The following ZAP70 variants were observed in gnomAD, a reference collection of about 807,000 sequenced individuals.
The protein encoded by ZAP70 is zeta chain of T cell receptor associated protein kinase 70.
Under a neutral mutation model 65.8 loss-of-function variants are expected in ZAP70, and 27 were observed. The ratio of observed to expected loss-of-function variants is 0.41; its 90% CI spans 0.30 to 0.57. The LOEUF (loss-of-function observed/expected upper bound fraction) is 0.57. Among genes scored for constraint, ZAP70 ranks in the 20% least tolerant of loss-of-function variants. The probability of loss-of-function intolerance (pLI) is 0.28; values close to 1 mark genes in which losing one functional copy is unlikely to be tolerated. For missense variants in ZAP70, 696 were observed against 870.5 expected, an observed-to-expected ratio of 0.80 and a Z score of 2.52; for synonymous variants, 363 against 360.8, an observed-to-expected ratio of 1.01 and a Z score of -0.07.
In ZAP70 at chr2:97,724,122, T is replaced by C. The variant is rs1424537060; in HGVS notation, c.86T>C (p.Met29Thr). Residue 29 changes from methionine to threonine, a missense_variant, in exon 3 of 14, where the codon ATG becomes ACG. Coordinates refer to ENST00000264972, the MANE Select transcript of ZAP70 (RefSeq NM_001079.4). ...EAEEHLKLAG[M>T]ADGLFLLRQC... ...GAGGAGCACCTGAAGCTGGCGGGCATGGCGGACGGGCTCTTCCTGCTGCGC... is the reference window on the plus strand; with the variant it reads ...GAGGAGCACCTGAAGCTGGCGGGCACGGCGGACGGGCTCTTCCTGCTGCGC... 1.3e-6 allele frequency: 2 copies of C among 1,570,076 alleles called. No homozygotes were observed. The highest frequency in any genetic ancestry group is 1.7e-6 in the Non-Finnish European group (2 of 1,160,368).
intron 3 of ZAP70, chr2:97,724,797 A>T: frequency 6.6e-7 from 1 of 1,507,462 alleles, no homozygotes; most frequent in Non-Finnish European, 8.9e-7. Context: ...GTTGGGGAAG[A>T]TGGGCAGTAG....
At chr2:97,724,633 G>A in intron 3 of ZAP70, 195 bp downstream of exon 3, 2 of 1,532,516 alleles carry the variant, frequency 1.3e-6, no homozygotes, top group Non-Finnish European at 1.7e-6. Flanking sequence ...GGTGGCGGTC[G>A]CCTTCCGCAG....
chr2:97,725,066 A>G, intron 3 of ZAP70, 26 bp from the exon 4 acceptor site: 1 of 1,613,232 alleles, frequency 6.2e-7, no homozygotes, highest in Non-Finnish European at 8.5e-7. Flanking sequence ...CCACACCTAC[A>G]GACCTCCTCG....
the ZAP70 span, among the ~76,000 whole-genome samples, chr2:97,754,800 A>AGACTT: frequency 6.6e-6 from 1 of 152,204 alleles, no homozygotes; most frequent in Non-Finnish European, 1.5e-5. Flanking sequence ...GAGAATCCCA[A>AGACTT]GACTTGAATT....
chr2:97,745,717 T>A, the ZAP70 span, among the ~76,000 whole-genome samples: 1 of 152,222 alleles, frequency 6.6e-6, no homozygotes, highest in Non-Finnish European at 1.5e-5. Flanking sequence ...GGTGGGGATG[T>A]GAGATGGTGC....
chr2:97,725,015 G>A (rs1342487441), intron 3 of ZAP70, 77 bp from the exon 4 acceptor site: 2 of 1,594,780 alleles, frequency 1.3e-6, no homozygotes, highest in Non-Finnish European at 1.7e-6. Context: ...AGTCCTCTGG[G>A]ACAGGGCTCC....
At position 97,732,916 on chromosome 2, in the gene ZAP70, C is replaced by A. The variant is rs765467505; in HGVS notation, c.597C>A (p.Ala199=). 2.5e-6 allele frequency: 4 copies of A among 1,613,902 alleles called. No homozygotes were observed. The African/African-American group carries it at 5.3e-5, about 22-fold the overall frequency. The change falls in exon 5 of 14, where the codon GCC becomes GCA. Residue 199 remains alanine (A), a synonymous_variant. Coordinates refer to ENST00000264972, the MANE Select transcript of ZAP70 (RefSeq NM_001079.4). ...LRPRKEQGTY[A]LSLIYGKTVY... Reference sequence around the variant, plus strand: ...CGCGGAAGGAGCAGGGCACATACGCCCTGTCCCTCATCTATGGGAAGACGG... The same window carrying A: ...CGCGGAAGGAGCAGGGCACATACGCACTGTCCCTCATCTATGGGAAGACGG...
intron 2 of ZAP70, among the ~76,000 whole-genome samples, chr2:97,716,194 G>T (rs1676905059): frequency 6.6e-6 from 1 of 152,136 alleles, no homozygotes; most frequent in Admixed American, 6.5e-5. Flanking sequence ...CTCAGGATGG[G>T]CCCCTCCTCT....
intron 2 of ZAP70, among the ~76,000 whole-genome samples, chr2:97,717,429 G>A (rs922023373): frequency 4.7e-5 from 7 of 149,770 alleles, no homozygotes; most frequent in Non-Finnish European, 7.4e-5. Flanking sequence ...TGGCTGGGGT[G>A]ACATGTGGAG....
chr2:97,724,186 C>G lies in ZAP70; in HGVS notation c.150C>G (p.Leu50=). Residue 50 remains leucine, a synonymous_variant, in exon 3 of 14, where the codon CTC becomes CTG. Coordinates refer to ENST00000264972, the MANE Select transcript of ZAP70 (RefSeq NM_001079.4). ...CGCTGGGCGGCTATGTGCTGTCGCTCGTGCACGATGTGCGCTTCCACCACT... is the reference window on the plus strand; with the variant it reads ...CGCTGGGCGGCTATGTGCTGTCGCTGGTGCACGATGTGCGCTTCCACCACT... The part of the protein sequence containing the change: ...LRSLGGYVLS[L]VHDVRFHHFP... 5 of 1,596,914 alleles carry G rather than the reference C, an allele frequency of 3.1e-6. No individual in the cohort carries two copies. The South Asian group carries it at 5.6e-5, about 18-fold the overall frequency.
At position 97,724,129 on chromosome 2, in the gene ZAP70, C is replaced by A; in HGVS notation, c.93C>A (p.Asp31Glu). ...EEHLKLAGMA[D>E]GLFLLRQCLR... ...ACCTGAAGCTGGCGGGCATGGCGGA[C>A]GGGCTCTTCCTGCTGCGCCAGTGCC... The change falls in exon 3 of 14, where the codon GAC becomes GAA. Residue 31 changes from aspartate (D) to glutamate (E), a missense_variant. Physicochemically the swap from Asp to Glu is conservative, Grantham distance 45. Coordinates refer to ENST00000264972, the MANE Select transcript of ZAP70 (RefSeq NM_001079.4). 1 of 1,566,050 alleles carries A rather than the reference C, an allele frequency of 6.4e-7. No homozygotes were observed. Among genetic ancestry groups the A allele is most frequent in the Non-Finnish European group, 8.6e-7 (1 of 1,158,196 alleles).
intron 13 of ZAP70, among the ~76,000 whole-genome samples, 175 bp from the exon 14 acceptor site, chr2:97,739,200 C>A (rs538218210): frequency 6.6e-6 from 1 of 150,706 alleles, no homozygotes; most frequent in African/African-American, 2.4e-5. Flanking sequence ...CATTGCCCAA[C>A]GCTCTCACAC....
chr2:97,733,078 C>T, intron 5 of ZAP70, 47 bp from the exon 6 acceptor site: 1 of 1,613,964 alleles, frequency 6.2e-7, no homozygotes. Context: ...GGGTGCCGGG[C>T]TCTGGGGAGG....
At chr2:97,720,884 C>G (rs941046493) in intron 2 of ZAP70, among the ~76,000 whole-genome samples, 22 of 152,208 alleles carry the variant, frequency 1.4e-4, no homozygotes, top group Non-Finnish European at 3.2e-4. Flanking sequence ...ACCTGATTCC[C>G]ATTCCAGTAC....
chr2:97,748,855 G>C, the ZAP70 span, among the ~76,000 whole-genome samples: 4 of 149,022 alleles, frequency 2.7e-5, no homozygotes, highest in African/African-American at 1.0e-4. Context: ...CATTGCTCCT[G>C]AAAGCGGAGC....
In ZAP70 at chr2:97,736,578, T is replaced by C. The variant is rs1321434650; in HGVS notation, c.1290-895T>C. Among the ~76,000 whole-genome samples, 1 of 152,138 alleles carries C rather than the reference T, an allele frequency of 6.6e-6. No individual in the cohort carries two copies. Among genetic ancestry groups the C allele is most frequent in the African/African-American group, 2.4e-5 (1 of 41,422 alleles). ...AACAATCCTGATGAAATCTAGAGCA[T>C]GTGGGAAGATAGTGTGGTGGGCACA... On this transcript the variant is annotated intron_variant, in intron 10 of 13. Transcript: ENST00000264972. This position sits in a 1 kb window ranked among gnomAD's most constrained non-coding sequence, Gnocchi z 4.0.
Position 97,736,224 on chromosome 2 carries a change from C to A in ZAP70, c.1289+768C>A, listed in dbSNP as rs1677874469. Among the ~76,000 whole-genome samples the A allele has an allele frequency of 6.6e-6, 1 of 151,826 alleles. No individual in the cohort carries two copies. Among genetic ancestry groups the A allele is most frequent in the Admixed American group, 6.6e-5 (1 of 15,236 alleles). On this transcript the variant is annotated intron_variant, in intron 10 of 13. Transcript: ENST00000264972. The surrounding 1 kb of genome is among the most constrained non-coding windows in gnomAD (Gnocchi z 4.0). ...AAAAACGAAGATGTGACAGAGATCA[C>A]TTGTGGCCTGTAAAGGCTAAAATCC...
intron 4 of ZAP70, among the ~76,000 whole-genome samples, chr2:97,730,037 G>C (rs541782561): frequency 4.1e-4 from 62 of 152,248 alleles, no homozygotes; most frequent in African/African-American, 1.4e-3. Flanking sequence ...GACCAGCCTG[G>C]CCAACATGGT....
chr2:97,715,422 C>T lies in ZAP70; in HGVS notation c.-22+1428C>T, dbSNP rs1366798712. Reference sequence around the variant, plus strand: ...CCTCCTGACTCACACCGCCTTTTCCCATCTCCCTTTTACAGTCACAGAGCC... The same window carrying T: ...CCTCCTGACTCACACCGCCTTTTCCTATCTCCCTTTTACAGTCACAGAGCC... On this transcript the variant is annotated intron_variant, in intron 2 of 13. Transcript: ENST00000264972. The surrounding 1 kb of genome is among the most constrained non-coding windows in gnomAD (Gnocchi z 4.1). 6.6e-6 allele frequency among the ~76,000 whole-genome samples: 1 copy of T among 152,204 alleles called. No individual in the cohort carries two copies. The highest frequency in any genetic ancestry group is 6.5e-5 in the Admixed American group (1 of 15,282).
Sources: gnomAD v4.1 joint callset for allele counts (sites outside exome capture counted in the v4.1 genomes callset) on GRCh38, gnomAD v4.1.1 for gene constraint, Gnocchi (gnomAD v3.1) non-coding constraint, MANE v1.5 for transcripts, NCBI Gene and HGNC (gene_info 2026-07-23, HGNC 2026-07-21) for gene names.